The following LRP1B variants were observed in gnomAD, a reference collection of about 807,000 sequenced individuals.
LRP1B encodes low-density lipoprotein receptor-related protein 1B.
Under a neutral mutation model 556.6 loss-of-function variants are expected in LRP1B, and 217 were observed. The ratio of observed to expected loss-of-function variants is 0.39; its 90% CI spans 0.35 to 0.44. The LOEUF is 0.44. Among genes scored for constraint, LRP1B ranks in the 20% least tolerant of loss-of-function variants. LRP1B has a pLI of 1.00. For synonymous variants in LRP1B, 2,047 were observed against 1,865.8 expected (o/e 1.10, Z -2.50); for missense variants, 5,053 against 5,620.8 (o/e 0.90, Z 3.23).
chr2:140,875,317 G>A (rs922842565), intron 25 of LRP1B, among the ~76,000 whole-genome samples: 12 of 152,126 alleles, frequency 7.9e-5, no homozygotes, highest in Admixed American at 7.2e-4. Context: ...CCTTGTGTCA[G>A]ATTAACAGGG....
chr2:140,779,015 T>C (rs1008935657), intron 32 of LRP1B, among the ~76,000 whole-genome samples: 1 of 151,798 alleles, frequency 6.6e-6, no homozygotes, highest in African/African-American at 2.4e-5. Context: ...TTGTCAGGTT[T>C]AATATCTAAT....
intron 43 of LRP1B, among the ~76,000 whole-genome samples, chr2:140,547,776 A>G (rs543236784): frequency 2.9e-4 from 44 of 152,222 alleles, no homozygotes; most frequent in Non-Finnish European, 6.2e-4. Flanking sequence ...GGTAATCAGT[A>G]TCCACTTTAG....
At chr2:140,318,923 A>G (rs1183005232) in intron 82 of LRP1B, among the ~76,000 whole-genome samples, 1 of 152,170 alleles carries the variant, frequency 6.6e-6, no homozygotes, top group East Asian at 1.9e-4. Context: ...ATTTAGTATT[A>G]TTACTAATGT....
chr2:141,193,780 AAAAAAT>A (rs1439788923), intron 6 of LRP1B, among the ~76,000 whole-genome samples: 2 of 152,000 alleles, frequency 1.3e-5, no homozygotes, highest in East Asian at 1.9e-4. Flanking sequence ...TGCTTAAAAA[AAAAAAT>A]AAAAATAAAA....
intron 2 of LRP1B, among the ~76,000 whole-genome samples, chr2:141,756,497 C>A (rs1694322673): frequency 1.3e-5 from 2 of 150,724 alleles, no homozygotes; most frequent in South Asian, 4.2e-4. Context: ...AGGTTATAAG[C>A]TTAAAATATT....
chr2:142,074,406 T>A (rs1051835782), intron 1 of LRP1B, among the ~76,000 whole-genome samples: 1 of 152,044 alleles, frequency 6.6e-6, no homozygotes, highest in Non-Finnish European at 1.5e-5. Flanking sequence ...ATTCTCAAGG[T>A]TCCATCATTT....
At chr2:141,290,915 T>C (rs115065726) in intron 3 of LRP1B, among the ~76,000 whole-genome samples, 271 of 152,206 alleles carry the variant, frequency 1.8e-3, no homozygotes, top group African/African-American at 6.1e-3. Flanking sequence ...TCAAGCCAAA[T>C]GAAACAGAAC....
chr2:141,268,837 A>G (rs1245941057), intron 3 of LRP1B, among the ~76,000 whole-genome samples: 2 of 152,192 alleles, frequency 1.3e-5, no homozygotes, highest in Admixed American at 6.5e-5. Context: ...AAATTGGAGA[A>G]ATACACTCAT....
Position 140,249,056 on chromosome 2 carries a change from CTAAA to C in LRP1B, c.13248-1898_13248-1895del, listed in dbSNP as rs574287496. ...TATCTCATTTAAAAGAAAAAAAAAACTAAATCAGGTTCATCTTAGATAAGTGACC... is the reference window on the plus strand; with the variant it reads ...TATCTCATTTAAAAGAAAAAAAAAACTCAGGTTCATCTTAGATAAGTGACC... On this transcript the variant is annotated intron_variant, in intron 86 of 90. Transcript: ENST00000389484. Among the ~76,000 whole-genome samples the C allele has an allele frequency of 1.0e-4, 15 of 147,032 alleles. No homozygotes were observed. In the South Asian group the frequency reaches 3.2e-3, roughly 32 times the overall value.
chr2:141,721,208 C>T (rs1185861398), intron 2 of LRP1B, among the ~76,000 whole-genome samples: 1 of 152,078 alleles, frequency 6.6e-6, no homozygotes, highest in Non-Finnish European at 1.5e-5. Context: ...ATATCATGTT[C>T]CTTTATTTAA....
chr2:141,767,132 T>C (rs917578747), intron 2 of LRP1B, among the ~76,000 whole-genome samples: 5 of 152,076 alleles, frequency 3.3e-5, no homozygotes, highest in Admixed American at 6.6e-5. Context: ...AAGAATGTCA[T>C]GCACCCAACA....
intron 8 of LRP1B, among the ~76,000 whole-genome samples, chr2:141,061,838 T>C (rs1462404052): frequency 2.0e-5 from 3 of 151,764 alleles, no homozygotes; most frequent in African/African-American, 7.3e-5. Flanking sequence ...CTGTTTTTAA[T>C]AGAAGGGAGA....
At chr2:141,440,572 T>A (rs767160218) in intron 3 of LRP1B, among the ~76,000 whole-genome samples, 9 of 152,230 alleles carry the variant, frequency 5.9e-5, no homozygotes, top group Non-Finnish European at 1.3e-4. Flanking sequence ...CGCTCTGATC[T>A]TCTCTTTCAA....
At chr2:140,907,801 C>T (rs1211629830) in intron 22 of LRP1B, 76 bp downstream of exon 22, 3 of 1,238,658 alleles carry the variant, frequency 2.4e-6, no homozygotes, top group East Asian at 2.3e-5. Flanking sequence ...ATGAATGCTA[C>T]TATATTAAGT....
chr2:140,257,686 A>C (rs1681757463), intron 86 of LRP1B, among the ~76,000 whole-genome samples: 1 of 152,206 alleles, frequency 6.6e-6, no homozygotes, highest in Non-Finnish European at 1.5e-5. Flanking sequence ...TTACTGCTCC[A>C]AAAGACATGC....
In LRP1B at chr2:141,884,542, C is replaced by A. The variant is rs958160713; in HGVS notation, c.83-74141G>T. ...CCTTGCCACATTGTAATTTTATTATCCCTTTTGTCCTTTCTTACCAACCTG... is the reference window on the plus strand; with the variant it reads ...CCTTGCCACATTGTAATTTTATTATACCTTTTGTCCTTTCTTACCAACCTG... On this transcript the variant is annotated intron_variant, in intron 1 of 90. Transcript: ENST00000389484. Among the ~76,000 whole-genome samples, 6 of 152,246 alleles carry A rather than the reference C, an allele frequency of 3.9e-5. No individual in the cohort carries two copies. The East Asian group carries it at 9.7e-4, about 24-fold the overall frequency.
rs115417257 is a variant in LRP1B at position 142,093,828 on chromosome 2, G to T, written c.82+36820C>A. On this transcript the variant is annotated intron_variant, in intron 1 of 90. Transcript: ENST00000389484. ...TAGAGTGTGGGAAGAATTTAAAAGT[G>T]GCTTTCAAGAAGATATGGTGCAGGC... Among the ~76,000 whole-genome samples the T allele has an allele frequency of 5.8e-3, 881 of 152,142 alleles. 2 individuals carry two copies. The highest frequency in any genetic ancestry group is 0.02 in the African/African-American group (818 of 41,530).
chr2:140,550,971 A>G (rs1327560466), intron 43 of LRP1B, among the ~76,000 whole-genome samples: 1 of 152,082 alleles, frequency 6.6e-6, no homozygotes, highest in Non-Finnish European at 1.5e-5. Flanking sequence ...TAAGTAGAGG[A>G]AGAGAAATGA....
intron 66 of LRP1B, among the ~76,000 whole-genome samples, chr2:140,424,170 G>T (rs900736392): frequency 6.6e-6 from 1 of 152,070 alleles, no homozygotes; most frequent in Non-Finnish European, 1.5e-5. Context: ...TGAGTGGGGA[G>T]GGCTTCCTTA....
Sources: allele counts gnomAD v4.1 joint callset (sites outside exome capture counted in the v4.1 genomes callset), GRCh38; gene constraint gnomAD v4.1.1; transcripts MANE v1.5; gene names NCBI Gene and HGNC (gene_info 2026-07-23, HGNC 2026-07-21).